VPS13B: variants seen among roughly 807,000 people sequenced by gnomAD.
VPS13B encodes the protein vacuolar protein sorting 13 homolog B.
A neutral mutation model predicts 426.4 loss-of-function variants in VPS13B; 285 were observed. That is an observed-to-expected ratio of 0.67 (90% CI 0.61 to 0.74). The LOEUF is 0.74. Ranked by LOEUF, VPS13B falls within the 30% of genes least tolerant of loss-of-function variation. VPS13B has a pLI of 0.00. For synonymous variants in VPS13B, 1,676 were observed against 1,676.4 expected (o/e 1.00, Z 0.01); for missense variants, 4,537 against 4,782.6 (o/e 0.95, Z 1.51).
At chr8:99,433,430 T>C (rs1257076477) in intron 22 of VPS13B, among the ~76,000 whole-genome samples, 1 of 152,150 alleles carries the variant, frequency 6.6e-6, no homozygotes, top group African/African-American at 2.4e-5. Flanking sequence ...TTACATCTTA[T>C]TAGAAACAAT....
At chr8:99,732,685 G>A (rs746844663) in intron 39 of VPS13B, among the ~76,000 whole-genome samples, 8 of 152,246 alleles carry the variant, frequency 5.3e-5, no homozygotes, top group Non-Finnish European at 7.3e-5. Flanking sequence ...AGTCTATGGT[G>A]CAGTAAGAAA....
chr8:99,130,669 C>T (rs1179996821), intron 8 of VPS13B, among the ~76,000 whole-genome samples: 1 of 152,044 alleles, frequency 6.6e-6, no homozygotes, highest in African/African-American at 2.4e-5. Context: ...GGATTACAGG[C>T]GTGAGCCACC....
intron 19 of VPS13B, among the ~76,000 whole-genome samples, chr8:99,303,924 C>A (rs1466159033): frequency 6.6e-6 from 1 of 151,890 alleles, no homozygotes; most frequent in Non-Finnish European, 1.5e-5. Flanking sequence ...TCCATAGCTT[C>A]TTTTGTAGTT....
intron 33 of VPS13B, among the ~76,000 whole-genome samples, chr8:99,611,729 A>G (rs1252634299): frequency 6.6e-6 from 1 of 151,992 alleles, no homozygotes; most frequent in Non-Finnish European, 1.5e-5. Flanking sequence ...CTCTTTTAAC[A>G]CTAGTAAAAT....
intron 19 of VPS13B, among the ~76,000 whole-genome samples, chr8:99,348,673 A>G (rs1489628998): frequency 6.6e-6 from 1 of 152,198 alleles, no homozygotes; most frequent in Non-Finnish European, 1.5e-5. Context: ...ATATCATTTT[A>G]TCTTCATGGA....
chr8:99,054,980 A>G (rs1326094838), intron 3 of VPS13B, among the ~76,000 whole-genome samples: 1 of 142,898 alleles, frequency 7.0e-6, no homozygotes, highest in African/African-American at 2.6e-5. Context: ...TATTTTGATT[A>G]TTGTGCTTTG....
At chr8:99,444,007 C>T (rs369901198) in intron 23 of VPS13B, among the ~76,000 whole-genome samples, 1 of 146,964 alleles carries the variant, frequency 6.8e-6, no homozygotes, top group Non-Finnish European at 1.5e-5. Context: ...TTTTTCTTTT[C>T]TTTTTTTTTT....
At chr8:99,388,866 G>A (rs139740262) in intron 20 of VPS13B, among the ~76,000 whole-genome samples, 30 of 152,286 alleles carry the variant, frequency 2.0e-4, no homozygotes, top group African/African-American at 6.7e-4. Flanking sequence ...TACACTCAGA[G>A]TTGACTGGGC....
chr8:99,729,441 T>G (rs1301517663), intron 39 of VPS13B, among the ~76,000 whole-genome samples: 1 of 152,222 alleles, frequency 6.6e-6, no homozygotes, highest in Non-Finnish European at 1.5e-5. Flanking sequence ...CCTAGTATCC[T>G]CTCAAAATGT....
chr8:99,438,444 A>G (rs1317707056), intron 22 of VPS13B, among the ~76,000 whole-genome samples: 1 of 152,192 alleles, frequency 6.6e-6, no homozygotes, highest in African/African-American at 2.4e-5. Context: ...TTTATATTTA[A>G]TCCTTACAAA....
chr8:99,685,187 A>C (rs1831333695), intron 35 of VPS13B, among the ~76,000 whole-genome samples: 1 of 152,228 alleles, frequency 6.6e-6, no homozygotes, highest in Admixed American at 6.5e-5. Context: ...TAGGTCTTGA[A>C]ACTTCATTTT....
intron 40 of VPS13B, among the ~76,000 whole-genome samples, chr8:99,775,022 T>A (rs1023630041): frequency 6.6e-6 from 1 of 152,202 alleles, no homozygotes; most frequent in African/African-American, 2.4e-5. Flanking sequence ...CTCCTAGCTT[T>A]CATTTTCACC....
At chr8:99,251,328 C>T (rs946305097) in intron 17 of VPS13B, among the ~76,000 whole-genome samples, 5 of 152,028 alleles carry the variant, frequency 3.3e-5, no homozygotes, top group African/African-American at 4.8e-5. Flanking sequence ...AAGTTCCTCT[C>T]TATTCCTAGT....
intron 17 of VPS13B, chr8:99,234,315 C>T (rs1816520689): frequency 1.3e-6 from 1 of 756,524 alleles, no homozygotes; most frequent in Non-Finnish European, 2.5e-6. Context: ...ACATTCTCCA[C>T]TATCCCGTGT....
chr8:99,673,047 GT>G (rs1830782422), intron 35 of VPS13B, among the ~76,000 whole-genome samples: 1 of 151,774 alleles, frequency 6.6e-6, no homozygotes, highest in Non-Finnish European at 1.5e-5. Flanking sequence ...TTTGTTGAGG[GT>G]TTTTACATCT....
chr8:99,800,726 A>G (rs576389742), intron 43 of VPS13B, among the ~76,000 whole-genome samples: 17 of 152,266 alleles, frequency 1.1e-4, no homozygotes, highest in African/African-American at 4.1e-4. Flanking sequence ...AGGTTATTTT[A>G]CATATGTAAA....
At chr8:99,203,714 C>T (rs1249437189) in intron 17 of VPS13B, among the ~76,000 whole-genome samples, 2 of 152,104 alleles carry the variant, frequency 1.3e-5, no homozygotes, top group East Asian at 3.9e-4. Flanking sequence ...TCCTATACAC[C>T]AATAATAGAC....
Position 99,850,609 on chromosome 8 carries a change from G to A in VPS13B, c.10061+1715G>A, listed in dbSNP as rs192907333. Among the ~76,000 whole-genome samples, 152 of 152,134 alleles carry A rather than the reference G, an allele frequency of 1.0e-3. 2 individuals carry two copies. The highest frequency in any genetic ancestry group is 6.8e-3 in the Middle Eastern group (2 of 292). On this transcript the variant is annotated intron_variant, in intron 55 of 61. Coordinates refer to ENST00000357162, the MANE Select transcript of VPS13B (RefSeq NM_152564.5). ...ATATAAATACCACCAACTTTCATAC[G>A]TTTGTTTAAATCTTTCTTTTAAAAA...
chr8:99,737,118 T>G (rs1201190957), intron 39 of VPS13B, among the ~76,000 whole-genome samples: 1 of 109,270 alleles, frequency 9.2e-6, no homozygotes, highest in African/African-American at 4.0e-5. Flanking sequence ...TTTTTTTTTT[T>G]TTTTTTTTTT....
Sources: gnomAD v4.1 joint callset for allele counts (sites outside exome capture counted in the v4.1 genomes callset) on GRCh38, gnomAD v4.1.1 for gene constraint, MANE v1.5 for transcripts, NCBI Gene and HGNC (gene_info 2026-07-23, HGNC 2026-07-21) for gene names.